OSBP: variants seen among roughly 807,000 people sequenced by gnomAD.
OSBP encodes the protein oxysterol binding protein, also known as oxysterol-binding protein 1.
Under a neutral mutation model 96.6 loss-of-function variants are expected in OSBP, and 32 were observed. The ratio of observed to expected loss-of-function variants is 0.33; its 90% CI spans 0.25 to 0.45. The LOEUF (loss-of-function observed/expected upper bound fraction) is 0.45, where lower values mean the gene tolerates loss of function less well. Among genes scored for constraint, OSBP ranks in the 20% least tolerant of loss-of-function variants. The pLI is 1.00. For synonymous variants in OSBP, 369 were observed against 389.6 expected (o/e 0.95, Z 0.62); for missense variants, 653 against 1,029.7 (o/e 0.63, Z 5.01).
intron 1 of OSBP, among the ~76,000 whole-genome samples, chr11:59,614,756 G>C (rs1860900035): frequency 6.6e-6 from 1 of 152,204 alleles, no homozygotes; most frequent in African/African-American, 2.4e-5. Context: ...AGGCAGAAAG[G>C]GGACGGAATA....
rs377454216 is a variant in OSBP, at chr11:59,601,878, CAG to C, written c.823-42_823-41del. 5.2e-4 allele frequency: 827 copies of C among 1,582,240 alleles called. 2 individuals carry two copies. The African/African-American group carries it at 9.3e-3, about 18-fold the overall frequency. ...CGTTGACTGTGTCAGCTCAACTAGT[CAG>C]AGTTTCCCCTCAGGCTTCTGCAAGC... is the stretch of plus-strand genomic sequence containing the variant. On this transcript the variant is annotated intron_variant, in intron 3 of 13. Transcript: ENST00000263847.
chr11:59,580,145 G>T, intron 11 of OSBP, 29 bp downstream of exon 11: 1 of 1,436,014 alleles, frequency 7.0e-7, no homozygotes. Context: ...CATGCTACGT[G>T]AAACAATTTA....
chr11:59,604,819 C>T (rs892819377), intron 3 of OSBP, among the ~76,000 whole-genome samples: 6 of 151,760 alleles, frequency 4.0e-5, no homozygotes, highest in Non-Finnish European at 8.8e-5. Context: ...GGTGCCACTG[C>T]ACTCCAGCCT....
chr11:59,615,369 G>A lies in OSBP; in HGVS notation c.296C>T (p.Thr99Ile). ...SAREGWLFKW[T>I]NYIKGYQRRW... is the part of the protein sequence containing the mutation. ...CCGCTGGTAGCCTTTGATATAATTG[G>A]TCCATTTGAAGAGCCAGCCCTCTCG... The change falls in exon 1 of 14, where the codon ACC (threonine) becomes ATC (isoleucine). Residue 99 changes from threonine to isoleucine, a missense_variant. By Grantham distance (89) the Thr-to-Ile change is moderately conservative. Around this residue, in one of 6 missense-constraint regions of OSBP, gnomAD observed 308 missense variants for 573.1 expected, o/e 0.54. Coordinates refer to ENST00000263847, the MANE Select transcript of OSBP (RefSeq NM_002556.3). 6.2e-7 allele frequency: 1 copy of A among 1,603,224 alleles called. No individual in the cohort carries two copies. Among genetic ancestry groups the A allele is most frequent in the Non-Finnish European group, 8.5e-7 (1 of 1,174,110 alleles).
intron 2 of OSBP, among the ~76,000 whole-genome samples, chr11:59,609,826 T>C (rs1860823561): frequency 6.6e-6 from 1 of 152,204 alleles, no homozygotes; most frequent in Non-Finnish European, 1.5e-5. Flanking sequence ...AAATATCACA[T>C]ATACAGTTTT....
intron 9 of OSBP, among the ~76,000 whole-genome samples, chr11:59,584,751 T>C (rs1000426623): frequency 2.6e-5 from 4 of 152,176 alleles, no homozygotes; most frequent in Admixed American, 2.6e-4. Context: ...ATGCCCACTT[T>C]CACTGCTTCT....
intron 2 of OSBP, among the ~76,000 whole-genome samples, chr11:59,609,353 A>T (rs1860817823): frequency 6.6e-6 from 1 of 152,204 alleles, no homozygotes; most frequent in Non-Finnish European, 1.5e-5. Context: ...AACTCACTTT[A>T]AATAGCTCTC....
intron 9 of OSBP, among the ~76,000 whole-genome samples, chr11:59,587,068 C>A (rs915422861): frequency 3.3e-5 from 5 of 151,990 alleles, no homozygotes; most frequent in Non-Finnish European, 1.5e-5. Flanking sequence ...ATGACAATAG[C>A]AACAGAGTAA....
intron 9 of OSBP, 80 bp downstream of exon 9, chr11:59,593,524 T>G (rs935551630): frequency 1.6e-5 from 24 of 1,521,326 alleles, no homozygotes; most frequent in Non-Finnish European, 2.1e-5. Flanking sequence ...CTCCTGACTC[T>G]TTAGCCAGTG....
chr11:59,611,574 CAA>C (rs1212769973), intron 1 of OSBP, among the ~76,000 whole-genome samples: 2 of 152,128 alleles, frequency 1.3e-5, no homozygotes, highest in African/African-American at 2.4e-5. Flanking sequence ...GGCTATGGTT[CAA>C]ATGATATGAA....
chr11:59,591,127 T>C (rs1244536361), intron 9 of OSBP, among the ~76,000 whole-genome samples: 1 of 152,246 alleles, frequency 6.6e-6, no homozygotes, highest in Non-Finnish European at 1.5e-5. Context: ...TGTTTTCTTT[T>C]TAATTAATTT....
chr11:59,579,355 C>T (rs539448948), intron 11 of OSBP, among the ~76,000 whole-genome samples: 127 of 146,476 alleles, frequency 8.7e-4, no homozygotes, highest in African/African-American at 2.5e-3. Context: ...TTTTTTGAGA[C>T]GGCGTTTCTC....
intron 1 of OSBP, among the ~76,000 whole-genome samples, chr11:59,614,280 G>A (rs1860892232): frequency 6.6e-6 from 1 of 152,136 alleles, no homozygotes; most frequent in Non-Finnish European, 1.5e-5. Flanking sequence ...CCCATGCTAA[G>A]TCTGTTTTCC....
At chr11:59,589,906 C>T (rs1161764020) in intron 9 of OSBP, among the ~76,000 whole-genome samples, 1 of 152,092 alleles carries the variant, frequency 6.6e-6, no homozygotes, top group Non-Finnish European at 1.5e-5. Flanking sequence ...TCGCTTGAAC[C>T]CAGGAGGAGG....
In OSBP at chr11:59,577,032, G is replaced by C. The variant is rs1860369072; in HGVS notation, c.2061-7C>G. 6.2e-7 allele frequency: 1 copy of C among 1,607,644 alleles called. No individual in the cohort carries two copies. Among genetic ancestry groups the C allele is most frequent in the African/African-American group, 1.3e-5 (1 of 74,466 alleles). On this transcript the variant is annotated splice_region_variant and splice_polypyrimidine_tract_variant and intron_variant, in intron 12 of 13. Transcript: ENST00000263847. Reference sequence around the variant, plus strand: ...CATGTTTTCTGCATTCTTCCTAAAAGTAGAAGACAAGAAAAAGAAATGGTA... The same window carrying C: ...CATGTTTTCTGCATTCTTCCTAAAACTAGAAGACAAGAAAAAGAAATGGTA...
chr11:59,610,655 T>G, intron 1 of OSBP, 66 bp from the exon 2 acceptor site: 1 of 1,306,372 alleles, frequency 7.7e-7, no homozygotes, highest in Non-Finnish European at 1.1e-6. Context: ...CACATTCCAT[T>G]TCTTTTCATA....
chr11:59,576,360 T>C lies in OSBP; in HGVS notation c.*217A>G. On this transcript the variant is annotated 3_prime_UTR_variant, in exon 14 of 14. Coordinates refer to ENST00000263847, the MANE Select transcript of OSBP (RefSeq NM_002556.3). ...CCACTAAACCTCTCCCTTACAGACA[T>C]AGTATCTCCTATGTCGATTTCAGTT... The C allele has an allele frequency of 5.4e-6, 3 of 550,958 alleles. No homozygotes were observed. The highest frequency in any genetic ancestry group is 6.4e-6 in the Non-Finnish European group (2 of 312,222). The allele number at this position is 550,958 out of a possible 1,614,324, so 34.1% of individuals were successfully genotyped here.
At chr11:59,608,800 C>T in intron 2 of OSBP, 66 bp from the exon 3 acceptor site, 2 of 1,519,894 alleles carry the variant, frequency 1.3e-6, no homozygotes, top group East Asian at 2.2e-5. Flanking sequence ...ACCCTACCTA[C>T]TCTGTCCAGA....
intron 7 of OSBP, 44 bp from the exon 8 acceptor site, chr11:59,594,299 A>G (rs907099649): frequency 2.5e-6 from 4 of 1,585,312 alleles, no homozygotes; most frequent in East Asian, 2.2e-5. Flanking sequence ...TCACTCATCT[A>G]TAAGAGACAG....
Sources: gnomAD v4.1 joint callset for allele counts (sites outside exome capture counted in the v4.1 genomes callset) on GRCh38, gnomAD v4.1.1 for gene constraint, gnomAD v4.1.1 regional missense constraint, MANE v1.5 for transcripts, NCBI Gene and HGNC (gene_info 2026-07-23, HGNC 2026-07-21) for gene names.